The following UBQLN1 variants were observed in gnomAD, a reference collection of about 807,000 sequenced individuals.
UBQLN1 encodes ubiquilin-1.
UBQLN1 carries 13 observed loss-of-function variants against 65.4 expected under a neutral mutation model. The ratio of observed to expected loss-of-function variants is 0.20; its 90% CI spans 0.13 to 0.32. The LOEUF is 0.32. Among genes scored for constraint, UBQLN1 ranks in the 10% least tolerant of loss-of-function variants. The pLI is 1.00. For missense variants in UBQLN1, 561 were observed against 724.0 expected, an observed-to-expected ratio of 0.77 and a Z score of 2.58; for synonymous variants, 267 against 247.8, an observed-to-expected ratio of 1.08 and a Z score of -0.73.
rs1047692496 is a variant in UBQLN1, at chr9:83,660,840, G to A, written c.*947C>T. The stretch of plus-strand genomic sequence containing the variant: ...CCAAAAGATAGTTCTATTTTTTTAT[G>A]GCGATTAAAAATAACTGAAACATCA... On this transcript the variant is annotated 3_prime_UTR_variant, in exon 11 of 11. Transcript: ENST00000376395. 6.6e-6 allele frequency: 1 copy of A among 152,420 alleles called. No individual in the cohort carries two copies. Among genetic ancestry groups the A allele is most frequent in the African/African-American group, 2.4e-5 (1 of 41,364 alleles). 9.4% of individuals were successfully genotyped at this position (152,420 alleles called of 1,614,324 possible). A position where few individuals can be genotyped will look rare whatever the true frequency, so the allele number is the denominator to read the frequency against.
At chr9:83,666,309 C>A (rs1418351320) in intron 8 of UBQLN1, 41 bp downstream of exon 8, 1 of 1,598,662 alleles carries the variant, frequency 6.3e-7, no homozygotes, top group Non-Finnish European at 8.6e-7. Flanking sequence ...TTTTTTCAAG[C>A]AAATCATTAC....
In UBQLN1 at chr9:83,661,668, T is replaced by C. The variant is rs1202744221; in HGVS notation, c.*119A>G. On this transcript the variant is annotated 3_prime_UTR_variant, in exon 11 of 11. Transcript: ENST00000376395. The stretch of plus-strand genomic sequence containing the variant: ...GTACTCCACCTTAAAATGCATCATA[T>C]TGGGTTTGTTTATAACAGCACAGAA... The C allele has an allele frequency of 7.3e-6, 8 of 1,102,456 alleles. No homozygotes were observed. The African/African-American group carries it at 1.3e-4, about 17-fold the overall frequency. 68.3% of individuals were successfully genotyped at this position (1,102,456 alleles called of 1,614,324 possible).
intron 1 of UBQLN1, among the ~76,000 whole-genome samples, chr9:83,696,895 G>A (rs980885286): frequency 2.0e-5 from 3 of 152,126 alleles, no homozygotes; most frequent in African/African-American, 7.2e-5. Flanking sequence ...TCAATGATCT[G>A]ACATAGACTG....
At chr9:83,688,809 C>T (rs960851718) in intron 1 of UBQLN1, among the ~76,000 whole-genome samples, 3 of 150,902 alleles carry the variant, frequency 2.0e-5, no homozygotes, top group African/African-American at 4.9e-5. Context: ...TGCAGTGAGC[C>T]GAGATTGCAC....
chr9:83,707,769 C>A lies in UBQLN1; in HGVS notation c.-90G>T. On this transcript the variant is annotated 5_prime_UTR_variant, in exon 1 of 11. The change creates a new upstream start codon in the 5' untranslated region. Coordinates refer to ENST00000376395, the MANE Select transcript of UBQLN1 (RefSeq NM_013438.5). ...CCAGCAGACACCAGAGCCGGCAGGC[C>A]TGGACAGCGAAGAATGCAGAGCACG... 6.9e-7 allele frequency: 1 copy of A among 1,453,122 alleles called. No individual in the cohort carries two copies. Among genetic ancestry groups the A allele is most frequent in the Non-Finnish European group, 9.0e-7 (1 of 1,112,106 alleles). The allele number at this position is 1,453,122 out of a possible 1,614,324, so 90.0% of individuals were successfully genotyped here. A position where few individuals can be genotyped will look rare whatever the true frequency, so the allele number is the denominator to read the frequency against.
chr9:83,705,253 T>TTC (rs1832381300), intron 1 of UBQLN1, among the ~76,000 whole-genome samples: 1 of 149,270 alleles, frequency 6.7e-6, no homozygotes, highest in East Asian at 1.9e-4. Context: ...CTCCTTTTTT[T>TTC]TTTTGAAACG....
intron 1 of UBQLN1, among the ~76,000 whole-genome samples, chr9:83,700,775 C>A (rs1216609861): frequency 1.3e-5 from 2 of 152,144 alleles, no homozygotes; most frequent in Non-Finnish European, 2.9e-5. Flanking sequence ...ATGTAGTCAG[C>A]CAAGCAAGCA....
chr9:83,692,191 T>C (rs1832139641), intron 1 of UBQLN1, among the ~76,000 whole-genome samples: 1 of 152,248 alleles, frequency 6.6e-6, no homozygotes, highest in Non-Finnish European at 1.5e-5. Context: ...GAATAAACCA[T>C]ATTTTAGAAA....
At chr9:83,707,111 G>C (rs537536063) in intron 1 of UBQLN1, among the ~76,000 whole-genome samples, 1 of 152,128 alleles carries the variant, frequency 6.6e-6, no homozygotes, top group African/African-American at 2.4e-5. Flanking sequence ...ACCGCAGCCT[G>C]AGCTAAAGCG....
chr9:83,691,329 T>C (rs533306590), intron 1 of UBQLN1, among the ~76,000 whole-genome samples: 1 of 152,176 alleles, frequency 6.6e-6, no homozygotes, highest in Admixed American at 6.5e-5. Flanking sequence ...CACCAAAGGC[T>C]AAAAGATGAT....
intron 7 of UBQLN1, chr9:83,668,082 C>T: frequency 1.0e-6 from 1 of 985,242 alleles, no homozygotes. Context: ...TAAATTGAAG[C>T]ATTTAATACT....
chr9:83,674,185 T>TA (rs11403634), intron 6 of UBQLN1, among the ~76,000 whole-genome samples: 39,375 of 144,914 alleles, frequency 0.27, 6,249 homozygotes, highest in East Asian at 0.8. Flanking sequence ...ACTGCAGCAT[T>TA]AAAAAAAAAA....
chr9:83,700,180 A>G (rs1316570924), intron 1 of UBQLN1, among the ~76,000 whole-genome samples: 1 of 152,194 alleles, frequency 6.6e-6, no homozygotes, highest in Non-Finnish European at 1.5e-5. Context: ...TGTGGTTCAG[A>G]TGAGAATCTC....
Position 83,679,147 on chromosome 9 carries a change from C to G in UBQLN1, c.712-548G>C, listed in dbSNP as rs115054183. On this transcript the variant is annotated intron_variant, in intron 4 of 10. Coordinates refer to ENST00000376395, the MANE Select transcript of UBQLN1 (RefSeq NM_013438.5). ...ACTATGAAAGGGGCCAGTTTCCCCC[C>G]CAAAACCATAGTAAGCTGCAGTCAA... Among the ~76,000 whole-genome samples the G allele has an allele frequency of 1.6e-4, 25 of 152,324 alleles. No homozygotes were observed. In the East Asian group the frequency reaches 4.2e-3, roughly 26 times the overall value.
At chr9:83,675,124 AT>A (rs2131154374) in intron 6 of UBQLN1, among the ~76,000 whole-genome samples, 1 of 152,292 alleles carries the variant, frequency 6.6e-6, no homozygotes, top group Admixed American at 6.5e-5. Context: ...AACTTCATGA[AT>A]TTTTATTAAC....
chr9:83,686,964 AGTCT>A (rs377209807), intron 1 of UBQLN1, among the ~76,000 whole-genome samples: 111 of 152,206 alleles, frequency 7.3e-4, no homozygotes, highest in African/African-American at 2.6e-3. Flanking sequence ...TCTGGTCCCA[AGTCT>A]GTCTGTTTAA....
chr9:83,676,174 C>CA (rs1378599926), intron 6 of UBQLN1, among the ~76,000 whole-genome samples: 1 of 152,166 alleles, frequency 6.6e-6, no homozygotes, highest in Non-Finnish European at 1.5e-5. Flanking sequence ...CATCAAATGT[C>CA]ACAGTTGAGT....
intron 7 of UBQLN1, chr9:83,667,965 TAAG>T (rs1313120126): frequency 1.0e-6 from 1 of 985,186 alleles, no homozygotes; most frequent in African/African-American, 1.7e-5. Flanking sequence ...TTTACTAAAG[TAAG>T]ATTATTACAA....
intron 1 of UBQLN1, among the ~76,000 whole-genome samples, chr9:83,693,176 G>A (rs1832156498): frequency 6.6e-6 from 1 of 152,118 alleles, no homozygotes; most frequent in African/African-American, 2.4e-5. Flanking sequence ...AATGCACCTT[G>A]AATAAGCAAT....
Sources: gnomAD v4.1 joint callset for allele counts (sites outside exome capture counted in the v4.1 genomes callset) on GRCh38, gnomAD v4.1.1 for gene constraint, MANE v1.5 for transcripts, NCBI Gene and HGNC (gene_info 2026-07-23, HGNC 2026-07-21) for gene names.